SLC8A3: variants seen among roughly 807,000 people sequenced by gnomAD.
SLC8A3 encodes the protein sodium/calcium exchanger 3.
In SLC8A3, 37 loss-of-function variants were observed where a neutral mutation model predicts 65.4. The observed-to-expected ratio is 0.57, with a 90% CI of 0.44 to 0.74. The LOEUF is 0.74. Among genes scored for constraint, SLC8A3 ranks in the 30% least tolerant of loss-of-function variants. The probability of loss-of-function intolerance (pLI) is 0.00; values close to 1 mark genes in which losing one functional copy is unlikely to be tolerated. For missense variants in SLC8A3, 1,112 were observed against 1,172.1 expected, an observed-to-expected ratio of 0.95 and a Z score of 0.75; for synonymous variants, 461 against 444.5, an observed-to-expected ratio of 1.04 and a Z score of -0.47.
chr14:70,151,145 T>G (rs1896246125), intron 2 of SLC8A3, among the ~76,000 whole-genome samples: 1 of 151,576 alleles, frequency 6.6e-6, no homozygotes, highest in Non-Finnish European at 1.5e-5. Flanking sequence ...TCCCAGCTAC[T>G]CAGGTGGCTG....
At chr14:70,177,317 G>A (rs1259320073) in intron 1 of SLC8A3, among the ~76,000 whole-genome samples, 1 of 152,182 alleles carries the variant, frequency 6.6e-6, no homozygotes, top group Non-Finnish European at 1.5e-5. Context: ...GGGATGCTGT[G>A]AGCAAGGTTT....
chr14:70,093,251 T>C (rs1891924994), intron 2 of SLC8A3, among the ~76,000 whole-genome samples: 1 of 152,244 alleles, frequency 6.6e-6, no homozygotes, highest in South Asian at 2.1e-4. Context: ...TCCTAGGGTA[T>C]AGCCCTGAAA....
intron 1 of SLC8A3, among the ~76,000 whole-genome samples, chr14:70,181,542 A>C (rs1882753528): frequency 1.3e-5 from 2 of 152,158 alleles, no homozygotes; most frequent in African/African-American, 4.8e-5. Context: ...TAAAATTCAC[A>C]GGAGGAAGGG....
chr14:70,080,196 A>G (rs1890936373), intron 2 of SLC8A3: 1 of 985,194 alleles, frequency 1.0e-6, no homozygotes, highest in Admixed American at 6.1e-5. Context: ...ATGCTGGAAG[A>G]GTTGATACTC....
chr14:70,120,349 C>A (rs2140179221), intron 2 of SLC8A3, among the ~76,000 whole-genome samples: 1 of 152,302 alleles, frequency 6.6e-6, no homozygotes, highest in Admixed American at 6.5e-5. Context: ...CAGTGTGACT[C>A]TTGGTTACAA....
At chr14:70,168,552 C>T in intron 1 of SLC8A3, 68 bp from the exon 2 acceptor site, 2 of 657,066 alleles carry the variant, frequency 3.0e-6, no homozygotes, top group Admixed American at 2.9e-5. Context: ...AGGTTCCCAC[C>T]AATACAACTG....
intron 2 of SLC8A3, among the ~76,000 whole-genome samples, chr14:70,115,388 C>T (rs1595009529): frequency 6.6e-6 from 1 of 152,222 alleles, no homozygotes; most frequent in Admixed American, 6.5e-5. Flanking sequence ...TTACTGGCTA[C>T]TTGTGCAAAA....
intron 2 of SLC8A3, among the ~76,000 whole-genome samples, chr14:70,090,050 T>G (rs7148459): frequency 0.82 from 124,832 of 151,964 alleles, 51,402 homozygotes; most frequent in East Asian, 0.99. Context: ...TCTTTTTTTT[T>G]AACATATTTT....
chr14:70,186,063 T>C (rs1347906980), intron 1 of SLC8A3, among the ~76,000 whole-genome samples: 1 of 152,170 alleles, frequency 6.6e-6, no homozygotes, highest in African/African-American at 2.4e-5. Flanking sequence ...AATCCCTACG[T>C]GTCCTGGGAG....
chr14:70,048,526 A>T, intron 6 of SLC8A3: 1 of 627,520 alleles, frequency 1.6e-6, no homozygotes, highest in South Asian at 1.9e-5. Flanking sequence ...ACAGGGGGAA[A>T]ATGTAAATGT....
chr14:70,123,738 C>G (rs906758978), intron 2 of SLC8A3, among the ~76,000 whole-genome samples: 1 of 152,182 alleles, frequency 6.6e-6, no homozygotes, highest in African/African-American at 2.4e-5. Context: ...GCGTGAGCCA[C>G]CGTGCCCAGC....
At chr14:70,077,361 G>A (rs1211230758) in intron 2 of SLC8A3, among the ~76,000 whole-genome samples, 2 of 152,184 alleles carry the variant, frequency 1.3e-5, no homozygotes, top group Middle Eastern at 3.2e-3. Context: ...TGTACCTGCT[G>A]CCCCAGTGGA....
In SLC8A3 at chr14:70,091,989, C is replaced by T. The variant is rs74589467; in HGVS notation, c.1785-31050G>A. 9.2e-3 allele frequency among the ~76,000 whole-genome samples: 1,405 copies of T among 152,306 alleles called. 11 individuals are homozygous for T. Among genetic ancestry groups the T allele is most frequent in the Non-Finnish European group, 0.015 (1,035 of 68,034 alleles). On this transcript the variant is annotated intron_variant, in intron 2 of 6. Coordinates refer to ENST00000356921, the MANE Select transcript of SLC8A3 (RefSeq NM_182932.3). ...GTTCTCAAGCCAACATTTCTCACCA[C>T]GTTACTTCCTATGCAACCCTCACAG...
intron 2 of SLC8A3, among the ~76,000 whole-genome samples, chr14:70,084,150 G>A (rs1056479376): frequency 1.4e-4 from 21 of 152,196 alleles, no homozygotes; most frequent in African/African-American, 5.1e-4. Flanking sequence ...CTGTTGTTGT[G>A]ATTCTTGACA....
At chr14:70,121,275 A>C (rs1227744629) in intron 2 of SLC8A3, among the ~76,000 whole-genome samples, 1 of 152,158 alleles carries the variant, frequency 6.6e-6, no homozygotes, top group African/African-American at 2.4e-5. Flanking sequence ...TTGGAAAGGA[A>C]GGGGTATTTG....
At chr14:70,186,206 C>G (rs1444449608) in intron 1 of SLC8A3, among the ~76,000 whole-genome samples, 1 of 152,126 alleles carries the variant, frequency 6.6e-6, no homozygotes, top group Non-Finnish European at 1.5e-5. Flanking sequence ...CTTGCTGCCG[C>G]CATGTGAAGA....
intron 2 of SLC8A3, among the ~76,000 whole-genome samples, chr14:70,135,439 T>A (rs1157738968): frequency 6.6e-6 from 1 of 152,206 alleles, no homozygotes; most frequent in Non-Finnish European, 1.5e-5. Context: ...TATTTTCACT[T>A]CCATGGTTAT....
intron 5 of SLC8A3, among the ~76,000 whole-genome samples, chr14:70,050,710 C>T (rs145136025): frequency 1.2e-3 from 178 of 152,308 alleles, no homozygotes; most frequent in Non-Finnish European, 1.9e-3. Flanking sequence ...ATACAAGACT[C>T]TGTACCTTTC....
At chr14:70,098,941 C>T (rs1221074541) in intron 2 of SLC8A3, among the ~76,000 whole-genome samples, 1 of 152,136 alleles carries the variant, frequency 6.6e-6, no homozygotes, top group African/African-American at 2.4e-5. Flanking sequence ...GAGGCATTTC[C>T]TTGCAGCCCA....
Sources: allele counts gnomAD v4.1 joint callset (sites outside exome capture counted in the v4.1 genomes callset), GRCh38; gene constraint gnomAD v4.1.1; transcripts MANE v1.5; gene names NCBI Gene and HGNC (gene_info 2026-07-23, HGNC 2026-07-21).